The following PCDHA7 variants were observed in gnomAD, a reference collection of about 807,000 sequenced individuals.
PCDHA7 encodes protocadherin alpha-7.
In PCDHA7, 37 loss-of-function variants were observed where a neutral mutation model predicts 57.2. The observed-to-expected ratio is 0.65, with a 90% CI of 0.50 to 0.85. The LOEUF is 0.85. PCDHA7 is among the 40% of genes least tolerant of loss of function. PCDHA7 has a pLI of 0.00. For synonymous variants in PCDHA7, 553 were observed against 558.8 expected, an observed-to-expected ratio of 0.99 and a Z score of 0.15; for missense variants, 1,188 against 1,241.8, an observed-to-expected ratio of 0.96 and a Z score of 0.65.
intron 1 of PCDHA7, chr5:140,850,108 G>T: frequency 6.3e-7 from 1 of 1,596,108 alleles, no homozygotes; most frequent in Non-Finnish European, 8.6e-7. Context: ...GTGAGCGCGC[G>T]CGACGCGGGC....
intron 1 of PCDHA7, chr5:140,929,108 C>T (rs1255119645): frequency 6.2e-7 from 1 of 1,614,080 alleles, no homozygotes; most frequent in African/African-American, 1.3e-5. Flanking sequence ...TGCATGACAT[C>T]AGCCACCATA....
chr5:140,975,890 T>C (rs542825387), intron 1 of PCDHA7, among the ~76,000 whole-genome samples: 1 of 152,310 alleles, frequency 6.6e-6, no homozygotes, highest in South Asian at 2.1e-4. Flanking sequence ...TTTCCACATA[T>C]GGAGTTTTGT....
chr5:140,967,327 C>T (rs2096128034), intron 1 of PCDHA7: 2 of 1,608,656 alleles, frequency 1.2e-6, no homozygotes, highest in Admixed American at 1.7e-5. Context: ...CCTACGAGCT[C>T]AGCCCCAGCG....
chr5:140,876,977 A>C (rs782413550), intron 1 of PCDHA7: 12 of 1,612,554 alleles, frequency 7.4e-6, no homozygotes, highest in Non-Finnish European at 1.0e-5. Context: ...GTGGGCGAGC[A>C]CGCACTGTCG....
intron 1 of PCDHA7, among the ~76,000 whole-genome samples, chr5:140,921,910 A>G (rs1474219286): frequency 6.6e-6 from 1 of 152,086 alleles, no homozygotes; most frequent in Non-Finnish European, 1.5e-5. Context: ...TATATATTAC[A>G]TGATAAAACT....
Position 140,855,567 on chromosome 5 carries a change from G to A in PCDHA7, c.2355+18829G>A, listed in dbSNP as rs568752755. Among the ~76,000 whole-genome samples the A allele has an allele frequency of 4.8e-4, 72 of 149,884 alleles. 4 individuals carry two copies. In the South Asian group the frequency reaches 0.014, roughly 30 times the overall value. ...TCAGAACTTAAATGGAACTAAAGTT[G>A]TCATTTAATAAAATATTAGTATACT... On this transcript the variant is annotated intron_variant, in intron 1 of 3. Coordinates refer to ENST00000525929, the MANE Select transcript of PCDHA7 (RefSeq NM_018910.3).
At chr5:140,869,892 A>G in intron 1 of PCDHA7, 1 of 1,610,608 alleles carries the variant, frequency 6.2e-7, no homozygotes, top group Non-Finnish European at 8.5e-7. Context: ...TTGTGCTCAA[A>G]CTAAACGCCA....
In PCDHA7 at chr5:140,835,407, G is replaced by A. The variant is rs2150234983; in HGVS notation, c.1024G>A (p.Asp342Asn). ...TTGTACAGTTCTTGTGGAAGTTGTG[G>A]ATGTAAATGACAATGCTCCACAGTT... ...GHCTVLVEVVDVNDNAPQLTL... is the reference protein window; with the variant it reads ...GHCTVLVEVVNVNDNAPQLTL... Residue 342 changes from aspartate (D) to asparagine (N), a missense_variant, in exon 1 of 4, where the codon GAT (aspartate) becomes AAT (asparagine). Coordinates refer to ENST00000525929, the MANE Select transcript of PCDHA7 (RefSeq NM_018910.3). 6.2e-7 allele frequency: 1 copy of A among 1,613,974 alleles called. No homozygotes were observed. Among genetic ancestry groups the A allele is most frequent in the Non-Finnish European group, 8.5e-7 (1 of 1,179,884 alleles).
At chr5:140,836,969 C>T (rs2150271753) in intron 1 of PCDHA7, 9 of 381,928 alleles carry the variant, frequency 2.4e-5, no homozygotes, top group Non-Finnish European at 3.7e-5. Flanking sequence ...TGGCTACTCT[C>T]CATTTTTGGA....
intron 1 of PCDHA7, chr5:140,859,420 C>A: frequency 4.3e-6 from 1 of 233,152 alleles, no homozygotes; most frequent in Non-Finnish European, 8.1e-6. Context: ...ATGATATAGA[C>A]TCAGAAATGA....
intron 1 of PCDHA7, chr5:140,883,960 G>T (rs2059914384): frequency 3.1e-6 from 5 of 1,613,090 alleles, no homozygotes; most frequent in Non-Finnish European, 4.2e-6. Flanking sequence ...ACGCTCCGGC[G>T]CTGCTGACGC....
At chr5:140,857,386 C>A in intron 1 of PCDHA7, 2 of 1,598,422 alleles carry the variant, frequency 1.3e-6, no homozygotes, top group Non-Finnish European at 1.7e-6. Flanking sequence ...AGGTGGCCGA[C>A]GTGAACGACA....
intron 1 of PCDHA7, among the ~76,000 whole-genome samples, chr5:140,974,864 C>T (rs949061887): frequency 6.6e-6 from 1 of 152,124 alleles, no homozygotes; most frequent in Non-Finnish European, 1.5e-5. Flanking sequence ...TGCCTTAATG[C>T]GGAACAGTCT....
At chr5:140,984,013 A>G (rs1258063909) in intron 3 of PCDHA7, among the ~76,000 whole-genome samples, 1 of 152,234 alleles carries the variant, frequency 6.6e-6, no homozygotes, top group Non-Finnish European at 1.5e-5. Context: ...TAATATTGCC[A>G]GATTGCAAGG....
At chr5:140,843,925 C>T in intron 1 of PCDHA7, 4 of 594,474 alleles carry the variant, frequency 6.7e-6, no homozygotes, top group Non-Finnish European at 8.8e-6. Context: ...TCTTGAAACT[C>T]AAGTTATGGT....
At chr5:140,845,380 G>A (rs1779849548) in intron 1 of PCDHA7, among the ~76,000 whole-genome samples, 1 of 149,264 alleles carries the variant, frequency 6.7e-6, no homozygotes, top group South Asian at 2.1e-4. Context: ...TAAATAGGAG[G>A]ATTCTTTCCA....
intron 1 of PCDHA7, chr5:140,850,309 C>G (rs781788388): frequency 6.3e-7 from 1 of 1,596,972 alleles, no homozygotes; most frequent in East Asian, 2.2e-5. Flanking sequence ...GGCTACAACG[C>G]GTGGCTTTCA....
At chr5:140,870,544 G>A in intron 1 of PCDHA7, 1 of 1,614,124 alleles carries the variant, frequency 6.2e-7, no homozygotes, top group South Asian at 1.1e-5. Context: ...GGCGCGGGAC[G>A]CGGACGCGCA....
chr5:140,893,656 TA>T (rs1241356048), intron 1 of PCDHA7, among the ~76,000 whole-genome samples: 28 of 152,340 alleles, frequency 1.8e-4, no homozygotes, highest in Admixed American at 1.6e-3. Flanking sequence ...CTGATAGTTT[TA>T]AAAAATTTCA....
Sources: gnomAD v4.1 joint callset for allele counts (sites outside exome capture counted in the v4.1 genomes callset) on GRCh38, gnomAD v4.1.1 for gene constraint, MANE v1.5 for transcripts, NCBI Gene and HGNC (gene_info 2026-07-23, HGNC 2026-07-21) for gene names.